Variants in HYAL4 observed in about 807,000 individuals in gnomAD.
The protein encoded by HYAL4 is hyaluronidase-4.
HYAL4 carries 37 observed loss-of-function variants against 35.2 expected under a neutral mutation model. The observed-to-expected ratio is 1.05, with a 90% CI of 0.81 to 1.38. The LOEUF is 1.38. HYAL4 is among the 40% of genes most tolerant of loss of function. The probability of loss-of-function intolerance (pLI) is 0.00; values close to 1 mark genes in which losing one functional copy is unlikely to be tolerated. For synonymous variants in HYAL4, 198 were observed against 203.2 expected, an observed-to-expected ratio of 0.97 and a Z score of 0.22; for missense variants, 572 against 572.4, an observed-to-expected ratio of 1.00 and a Z score of 0.01.
the HYAL4 span, among the ~76,000 whole-genome samples, chr7:123,774,508 C>A: frequency 1.3e-5 from 2 of 151,928 alleles, no homozygotes; most frequent in Non-Finnish European, 2.9e-5. Context: ...GACCAGATAT[C>A]TACTATAATT....
At chr7:123,775,495 A>G in the HYAL4 span, among the ~76,000 whole-genome samples, 1 of 152,102 alleles carries the variant, frequency 6.6e-6, no homozygotes, top group East Asian at 1.9e-4. Flanking sequence ...ATTCCATACT[A>G]AAGCTATATA....
the HYAL4 span, among the ~76,000 whole-genome samples, chr7:123,820,602 A>AC: frequency 6.6e-6 from 1 of 151,014 alleles, no homozygotes; most frequent in Non-Finnish European, 1.5e-5. Context: ...AAAAAAAATT[A>AC]CCAATCCCCC....
the HYAL4 span, among the ~76,000 whole-genome samples, chr7:123,784,617 CCA>C: frequency 6.6e-6 from 1 of 152,224 alleles, no homozygotes; most frequent in Admixed American, 6.5e-5. Flanking sequence ...GGTTAAAAAT[CCA>C]CAGTGTTGCA....
rs747578533 is a variant in HYAL4, at chr7:123,876,777, G to T, written c.1068G>T (p.Gln356His). The T allele has an allele frequency of 1.5e-5, 24 of 1,613,792 alleles. No homozygotes were observed. In the Admixed American group the frequency reaches 4.0e-4, roughly 27 times the overall value. The change falls in exon 5 of 5, where the codon CAG becomes CAT. Residue 356 changes from glutamine (Q) to histidine (H), a missense_variant. Gln to His is a conservative substitution (Grantham distance 24). Coordinates refer to ENST00000223026, the MANE Select transcript of HYAL4 (RefSeq NM_012269.3). ...AGGCCAACTGTACAAAGGTGAAGCA[G>T]TTTGTGAGTTCTGATTTAGGGAGCT... ...ASKANCTKVK[Q>H]FVSSDLGSYI...
chr7:123,874,722 C>T (rs1342765587), intron 3 of HYAL4, 39 bp from the exon 4 acceptor site: 1 of 1,269,814 alleles, frequency 7.9e-7, no homozygotes, highest in Non-Finnish European at 1.2e-6. Flanking sequence ...GATTGTTTTA[C>T]ATTCAAATTA....
chr7:123,856,246 G>A (rs1387841706), intron 2 of HYAL4, among the ~76,000 whole-genome samples: 2 of 151,934 alleles, frequency 1.3e-5, no homozygotes, highest in Non-Finnish European at 2.9e-5. Context: ...TCCCTTGCTG[G>A]TGAGAAGTTG....
chr7:123,791,139 A>G, the HYAL4 span, among the ~76,000 whole-genome samples: 2 of 152,280 alleles, frequency 1.3e-5, no homozygotes, highest in African/African-American at 4.8e-5. Flanking sequence ...CGATTTGTTT[A>G]TGCAGCTTGT....
At chr7:123,825,923 A>G (rs529560816), upstream of HYAL4, among the ~76,000 whole-genome samples, 10 of 151,866 alleles carry the variant, frequency 6.6e-5, no homozygotes, top group East Asian at 1.9e-3. Flanking sequence ...TGCTTGTTAA[A>G]TTTATTATTT....
chr7:123,869,326 T>C, intron 3 of HYAL4, 99 bp downstream of exon 3: 1 of 836,332 alleles, frequency 1.2e-6, no homozygotes, highest in Non-Finnish European at 1.8e-6. Flanking sequence ...TTTCAATTAA[T>C]GGTTTGTTAT....
the HYAL4 span, among the ~76,000 whole-genome samples, chr7:123,764,983 G>T: frequency 6.6e-6 from 1 of 152,152 alleles, no homozygotes; most frequent in East Asian, 1.9e-4. Context: ...AGATTGCCCA[G>T]CAATAACATA....
At chr7:123,873,843 C>T (rs781517683) in intron 3 of HYAL4, among the ~76,000 whole-genome samples, 3 of 152,122 alleles carry the variant, frequency 2.0e-5, no homozygotes, top group Non-Finnish European at 2.9e-5. Flanking sequence ...AAAATTCCAG[C>T]GACTTTACCA....
At chr7:123,766,024 T>C in the HYAL4 span, among the ~76,000 whole-genome samples, 6 of 152,296 alleles carry the variant, frequency 3.9e-5, no homozygotes, top group South Asian at 1.2e-3. Flanking sequence ...TTCTCTCGTT[T>C]ATCTCTTGCT....
intron 1 of HYAL4, among the ~76,000 whole-genome samples, chr7:123,838,240 CTTT>C (rs61344294): frequency 7.7e-6 from 1 of 129,528 alleles, no homozygotes; most frequent in Non-Finnish European, 1.7e-5. Context: ...TTTACAGAGC[CTTT>C]TTTTTTTTTT....
intron 1 of HYAL4, among the ~76,000 whole-genome samples, chr7:123,836,274 T>C (rs1805961974): frequency 6.6e-6 from 1 of 152,198 alleles, no homozygotes; most frequent in African/African-American, 2.4e-5. Flanking sequence ...GTTAGGTGCA[T>C]ATATATTCAG....
rs894614841 is a variant in HYAL4 at position 123,848,128 on chromosome 7, A to G, written c.-82A>G. On this transcript the variant is annotated 5_prime_UTR_variant, in exon 2 of 5. Coordinates refer to ENST00000223026, the MANE Select transcript of HYAL4 (RefSeq NM_012269.3). The stretch of plus-strand genomic sequence containing the variant: ...TTCAACCTCTGATTTGCACAAGGTG[A>G]CTAAAGGACCAGCAGCAAACAAAAG... The G allele has an allele frequency of 2.0e-5, 3 of 152,654 alleles. No individual in the cohort carries two copies. The highest frequency in any genetic ancestry group is 7.2e-5 in the African/African-American group (3 of 41,450). 9.5% of individuals were successfully genotyped at this position (152,654 alleles called of 1,614,324 possible).
chr7:123,844,210 A>G (rs1806127395), upstream of HYAL4: 1 of 149,502 alleles, frequency 6.7e-6, no homozygotes, highest in Admixed American at 6.6e-5. Context: ...GTTGATGTTG[A>G]TGCTATTCCT....
At chr7:123,808,201 G>A in the HYAL4 span, among the ~76,000 whole-genome samples, 9 of 152,092 alleles carry the variant, frequency 5.9e-5, no homozygotes, top group East Asian at 1.5e-3. Context: ...TTGATTAAAA[G>A]TTCTTGCAAA....
chr7:123,850,118 A>T (rs1036123274), intron 2 of HYAL4, among the ~76,000 whole-genome samples: 2 of 152,240 alleles, frequency 1.3e-5, no homozygotes, highest in Non-Finnish European at 2.9e-5. Flanking sequence ...GTACTGATAA[A>T]TGCAATACAA....
At position 123,874,765 on chromosome 7, in the gene HYAL4, A is replaced by G. The variant is rs757921086; in HGVS notation, c.959A>G (p.Asp320Gly). The G allele has an allele frequency of 2.5e-6, 4 of 1,589,470 alleles. No individual in the cohort carries two copies. The highest frequency in any genetic ancestry group is 2.2e-5 in the East Asian group (1 of 44,790). The change falls in exon 4 of 5, where the codon GAT becomes GGT. Residue 320 changes from aspartate (D) to glycine (G), a missense_variant. Coordinates refer to ENST00000223026, the MANE Select transcript of HYAL4 (RefSeq NM_012269.3). ...DEPLFFLSKQ[D>G]LVSTIGESAA... ...ACTCTACTGTCTTCAATCTAGCAAGATCTAGTCAGCACCATAGGAGAAAGT... is the reference window on the plus strand; with the variant it reads ...ACTCTACTGTCTTCAATCTAGCAAGGTCTAGTCAGCACCATAGGAGAAAGT...
Sources: gnomAD v4.1 joint callset for allele counts (sites outside exome capture counted in the v4.1 genomes callset) on GRCh38, gnomAD v4.1.1 for gene constraint, MANE v1.5 for transcripts, NCBI Gene and HGNC (gene_info 2026-07-23, HGNC 2026-07-21) for gene names.